Variants in ARHGEF38 observed in about 807,000 individuals in gnomAD.
ARHGEF38 encodes Rho guanine nucleotide exchange factor (GEF) 38.
In ARHGEF38, 79 loss-of-function variants were observed where a neutral mutation model predicts 79.9. The ratio of observed to expected loss-of-function variants is 0.99; its 90% CI spans 0.82 to 1.19. The LOEUF is 1.19. Among genes scored for constraint, ARHGEF38 ranks in the 50% most tolerant of loss-of-function variants. The pLI is 0.00. For missense variants in ARHGEF38, 962 were observed against 907.2 expected (o/e 1.06, Z -0.78); for synonymous variants, 366 against 328.3 (o/e 1.11, Z -1.24).
At chr4:105,606,943 C>T (rs933626308) in intron 2 of ARHGEF38, among the ~76,000 whole-genome samples, 4 of 152,104 alleles carry the variant, frequency 2.6e-5, no homozygotes, top group African/African-American at 9.7e-5. Flanking sequence ...TAATTTTCTA[C>T]AGTGACATGA....
In ARHGEF38 at chr4:105,676,751, T is replaced by A. The variant is rs77991893; in HGVS notation, c.2149-1001T>A. Among the ~76,000 whole-genome samples, 22 of 152,206 alleles carry A rather than the reference T, an allele frequency of 1.4e-4. No homozygotes were observed. The East Asian group carries it at 3.7e-3, about 25-fold the overall frequency. On this transcript the variant is annotated intron_variant, in intron 13 of 13. Coordinates refer to ENST00000420470, the MANE Select transcript of ARHGEF38 (RefSeq NM_001242729.2). ...TAAAATAATTTTTAAATTATAAATTTAATACATTGTCATTATAAAGGTTTG... is the reference window on the plus strand; with the variant it reads ...TAAAATAATTTTTAAATTATAAATTAAATACATTGTCATTATAAAGGTTTG...
At chr4:105,628,571 C>CTA (rs772989677) in intron 3 of ARHGEF38, among the ~76,000 whole-genome samples, 3 of 152,150 alleles carry the variant, frequency 2.0e-5, no homozygotes, top group Non-Finnish European at 2.9e-5. Context: ...GAAGGATGAA[C>CTA]TCTATAGGAT....
At chr4:105,600,259 C>T (rs574649906) in intron 2 of ARHGEF38, among the ~76,000 whole-genome samples, 3 of 152,240 alleles carry the variant, frequency 2.0e-5, no homozygotes, top group South Asian at 2.1e-4. Flanking sequence ...TTCAAGGCAA[C>T]GCTAGAAGTG....
intron 9 of ARHGEF38, among the ~76,000 whole-genome samples, chr4:105,658,269 C>T (rs962464577): frequency 5.9e-5 from 9 of 151,976 alleles, no homozygotes; most frequent in South Asian, 2.1e-4. Flanking sequence ...ATTAGCCAAG[C>T]GTGGTGATAC....
At position 105,679,960 on chromosome 4, in the gene ARHGEF38, G is replaced by T. The variant is rs1378565018; in HGVS notation, c.*2023G>T. The T allele has an allele frequency of 1.5e-6, 2 of 1,349,070 alleles. No individual in the cohort carries two copies. Among genetic ancestry groups the T allele is most frequent in the Non-Finnish European group, 2.1e-6 (2 of 943,910 alleles). The allele number at this position is 1,349,070 out of a possible 1,614,324, so 83.6% of individuals were successfully genotyped here. A position where few individuals can be genotyped will look rare whatever the true frequency, so the allele number is the denominator to read the frequency against. On this transcript the variant is annotated 3_prime_UTR_variant, in exon 14 of 14. Transcript: ENST00000420470. ...GCCTTTTAGTGTAATTTCTCTTTGT[G>T]ACTGTGCAATGTCCCCATGTAAACA...
intron 4 of ARHGEF38, among the ~76,000 whole-genome samples, chr4:105,632,114 G>A (rs1446639277): frequency 6.6e-6 from 1 of 152,142 alleles, no homozygotes; most frequent in Non-Finnish European, 1.5e-5. Context: ...CTCTGGAGGA[G>A]GCGTTTCCCG....
intron 7 of ARHGEF38, 55 bp downstream of exon 7, chr4:105,648,737 TTTTTGTGAGGTTTTG>T: frequency 6.9e-7 from 1 of 1,457,582 alleles, no homozygotes; most frequent in East Asian, 2.5e-5. Context: ...AATGCAGATA[TTTTTGTGAGGTTTTG>T]TTTTGTGAGG....
At chr4:105,595,169 G>A (rs1412641130) in intron 2 of ARHGEF38, among the ~76,000 whole-genome samples, 1 of 152,046 alleles carries the variant, frequency 6.6e-6, no homozygotes, top group Non-Finnish European at 1.5e-5. Context: ...CAGCTACTCG[G>A]TTTCCTCCCC....
chr4:105,631,712 T>G, intron 4 of ARHGEF38: 1 of 930,052 alleles, frequency 1.1e-6, no homozygotes, highest in Non-Finnish European at 1.3e-6. Flanking sequence ...ATAATCATTT[T>G]CTTCTGATAT....
intron 1 of ARHGEF38, chr4:105,561,444 A>AATGGAATGGAATGGAATGGAATG (rs1560684446): frequency 1.2e-3 from 51 of 42,876 alleles, no homozygotes; most frequent in Middle Eastern, 0.011. Context: ...AGAATAGAAT[A>AATGGAATGGAATGGAATGGAATG]GAATGGAATA....
At chr4:105,578,988 A>G (rs1251177681) in intron 1 of ARHGEF38, among the ~76,000 whole-genome samples, 1 of 152,064 alleles carries the variant, frequency 6.6e-6, no homozygotes, top group East Asian at 1.9e-4. Flanking sequence ...TTACTGTTTT[A>G]TAAGCCCTGT....
chr4:105,638,850 C>A lies in ARHGEF38; in HGVS notation c.674+2430C>A, dbSNP rs193266545. Among the ~76,000 whole-genome samples the A allele has an allele frequency of 4.5e-3, 679 of 151,974 alleles. 4 individuals carry two copies. The highest frequency in any genetic ancestry group is 8.0e-3 in the Non-Finnish European group (545 of 67,920). ...TATGCCATAATTTAGTTTGCCAAACCCTTACTGACAGTTGAATTTTGTCTG... is the reference window on the plus strand; with the variant it reads ...TATGCCATAATTTAGTTTGCCAAACACTTACTGACAGTTGAATTTTGTCTG... On this transcript the variant is annotated intron_variant, in intron 5 of 13. Coordinates refer to ENST00000420470, the MANE Select transcript of ARHGEF38 (RefSeq NM_001242729.2).
At chr4:105,556,004 C>A (rs2110386631) in intron 1 of ARHGEF38, among the ~76,000 whole-genome samples, 1 of 152,260 alleles carries the variant, frequency 6.6e-6, no homozygotes, top group South Asian at 2.1e-4. Flanking sequence ...AGATTGTGAT[C>A]ACATCAACAT....
In ARHGEF38 at chr4:105,648,819, C is replaced by CT. The variant is rs1729964928; in HGVS notation, c.1008+137_1008+138insT. On this transcript the variant is annotated intron_variant, in intron 7 of 13. Transcript: ENST00000420470. ...TTGCCCTATGCTGTTCTCTTGTCTC[C>CT]CTCTCTCTCTCTCTCTCTCTCTCTC... 7.1e-4 allele frequency: 351 copies of CT among 491,196 alleles called. 1 individual carries two copies. The highest frequency in any genetic ancestry group is 9.2e-4 in the Non-Finnish European group (294 of 319,644). The allele number at this position is 491,196 out of a possible 1,614,324, so 30.4% of individuals were successfully genotyped here. A position where few individuals can be genotyped will look rare whatever the true frequency, so the allele number is the denominator to read the frequency against.
intron 2 of ARHGEF38, among the ~76,000 whole-genome samples, chr4:105,595,116 A>G (rs1727520327): frequency 6.6e-6 from 1 of 152,196 alleles, no homozygotes; most frequent in Admixed American, 6.5e-5. Context: ...AAATTCACAT[A>G]GTGCAAATCT....
At chr4:105,625,812 C>G (rs1229588572) in intron 3 of ARHGEF38, among the ~76,000 whole-genome samples, 1 of 152,190 alleles carries the variant, frequency 6.6e-6, no homozygotes, top group Non-Finnish European at 1.5e-5. Flanking sequence ...AGACAGCTAG[C>G]AAGCTCTGTC....
Position 105,561,414 on chromosome 4 carries a change from AGAATAGAATG to A in ARHGEF38, c.196+8463_196+8472del, listed in dbSNP as rs1560684230. Among the ~76,000 whole-genome samples, 54 of 42,542 alleles carry A rather than the reference AGAATAGAATG, an allele frequency of 1.3e-3. 2 individuals carry two copies. Among genetic ancestry groups the A allele is most frequent in the African/African-American group, 3.1e-3 (30 of 9,630 alleles). The allele number at this position is 42,542 out of a possible 152,430, so 27.9% of individuals were successfully genotyped here. ...ATAGAGTAGAATAATAGAATAGAAT[AGAATAGAATG>A]GAATAGAATAGAATAGAATAGAATG... is the stretch of plus-strand genomic sequence containing the variant. On this transcript the variant is annotated intron_variant, in intron 1 of 13. Coordinates refer to ENST00000420470, the MANE Select transcript of ARHGEF38 (RefSeq NM_001242729.2).
chr4:105,669,717 T>A (rs1441657832), intron 13 of ARHGEF38, among the ~76,000 whole-genome samples: 3 of 152,212 alleles, frequency 2.0e-5, no homozygotes, highest in Non-Finnish European at 1.5e-5. Context: ...TTTACAAAGT[T>A]GTGCAACCAT....
intron 4 of ARHGEF38, among the ~76,000 whole-genome samples, chr4:105,634,382 G>A (rs17326919): frequency 0.084 from 12,813 of 152,168 alleles, 582 homozygotes; most frequent in African/African-American, 0.11. Context: ...TTGGAAATTA[G>A]CAAGTTTTTA....
Sources: allele counts gnomAD v4.1 joint callset (sites outside exome capture counted in the v4.1 genomes callset), GRCh38; gene constraint gnomAD v4.1.1; transcripts MANE v1.5; gene names NCBI Gene and HGNC (gene_info 2026-07-23, HGNC 2026-07-21).